The following OR51B5 variants were observed in gnomAD, a reference collection of about 807,000 sequenced individuals.
OR51B5 encodes olfactory receptor family 51 subfamily B member 5, also known as olfactory receptor 51B5.
For synonymous variants in OR51B5, 186 were observed against 144.8 expected, an observed-to-expected ratio of 1.28 and a Z score of -2.04; for missense variants, 456 against 374.6, an observed-to-expected ratio of 1.22 and a Z score of -1.79.
intron 1 of OR51B5, among the ~76,000 whole-genome samples, chr11:5,348,621 G>A (rs7123112): frequency 0.25 from 38,157 of 151,946 alleles, 5,131 homozygotes; most frequent in Non-Finnish European, 0.29. Flanking sequence ...CACCTGGAAA[G>A]GTTTATATTG....
At chr11:5,390,168 T>TGTG (rs775223586) in intron 1 of OR51B5, 2 of 1,613,632 alleles carry the variant, frequency 1.2e-6, no homozygotes, top group East Asian at 4.5e-5. Context: ...ACCGCTCCTC[T>TGTG]CTGTGCTGTG....
chr11:5,392,468 C>T (rs2133732075), intron 1 of OR51B5: 1 of 152,294 alleles, frequency 6.6e-6, no homozygotes, highest in African/African-American at 2.4e-5. Flanking sequence ...CTCTTATTAA[C>T]AAATAGACCA....
chr11:5,400,979 G>C (rs1365445245), intron 1 of OR51B5, among the ~76,000 whole-genome samples: 1 of 152,246 alleles, frequency 6.6e-6, no homozygotes, highest in South Asian at 2.1e-4. Context: ...TAGGTAAGCA[G>C]GTGTGTCTGT....
chr11:5,377,993 G>A (rs1228055885), intron 1 of OR51B5, among the ~76,000 whole-genome samples: 1 of 151,540 alleles, frequency 6.6e-6, no homozygotes, highest in East Asian at 1.9e-4. Context: ...AAAAGAGCCT[G>A]CATTGCCAAG....
At chr11:5,440,875 T>G (rs60832895) in intron 1 of OR51B5, 15 of 1,613,514 alleles carry the variant, frequency 9.3e-6, no homozygotes, top group Non-Finnish European at 1.1e-5. Context: ...AGGATGAAAG[T>G]TGAGTCCATA....
chr11:5,489,758 A>G (rs775819804), intron 1 of OR51B5: 41 of 863,386 alleles, frequency 4.7e-5, no homozygotes, highest in Admixed American at 2.7e-4. Context: ...AAGGAATGGT[A>G]TGACATGGCA....
At chr11:5,373,130 A>G (rs1849469578) in intron 1 of OR51B5, among the ~76,000 whole-genome samples, 1 of 152,204 alleles carries the variant, frequency 6.6e-6, no homozygotes, top group Non-Finnish European at 1.5e-5. Flanking sequence ...AAAGAATAAA[A>G]TTGGACCTTT....
intron 1 of OR51B5, among the ~76,000 whole-genome samples, chr11:5,412,426 C>A (rs1254849353): frequency 1.3e-5 from 2 of 152,136 alleles, no homozygotes; most frequent in Non-Finnish European, 2.9e-5. Context: ...CTAGGGAGTG[C>A]CAGACAGTGG....
intron 1 of OR51B5, among the ~76,000 whole-genome samples, chr11:5,418,734 G>C (rs541058520): frequency 6.6e-6 from 1 of 151,550 alleles, no homozygotes; most frequent in Non-Finnish European, 1.5e-5. Flanking sequence ...ATCGGGGGAT[G>C]GGGGGTTAGG....
chr11:5,352,241 G>A, intron 1 of OR51B5: 1 of 1,614,156 alleles, frequency 6.2e-7, no homozygotes, highest in Non-Finnish European at 8.5e-7. Flanking sequence ...CATATCTGCT[G>A]CATCCTGGTC....
intron 1 of OR51B5, among the ~76,000 whole-genome samples, chr11:5,385,772 C>G (rs1484412759): frequency 6.8e-6 from 1 of 147,024 alleles, no homozygotes; most frequent in Non-Finnish European, 1.5e-5. Flanking sequence ...AATATACAGA[C>G]ACATATATGT....
intron 1 of OR51B5, chr11:5,385,347 G>A (rs1849670807): frequency 1.3e-5 from 2 of 152,068 alleles, no homozygotes; most frequent in East Asian, 3.9e-4. Context: ...CATTGTCTCT[G>A]TATAGACATC....
chr11:5,423,172 A>G (rs769476615), intron 1 of OR51B5: 1 of 1,563,158 alleles, frequency 6.4e-7, no homozygotes, highest in East Asian at 2.3e-5. Flanking sequence ...CATTTCTTAA[A>G]TTACTGACAA....
chr11:5,441,251 G>A (rs147664625), intron 1 of OR51B5: 27 of 1,613,962 alleles, frequency 1.7e-5, no homozygotes, highest in Non-Finnish European at 2.2e-5. Context: ...TGTAGTTGAA[G>A]CAGAAAGTAG....
intron 1 of OR51B5, among the ~76,000 whole-genome samples, chr11:5,387,390 A>T (rs935460080): frequency 2.0e-5 from 3 of 152,206 alleles, no homozygotes; most frequent in Non-Finnish European, 4.4e-5. Context: ...TTTTAAAAAA[A>T]ACATTATAGG....
intron 1 of OR51B5, among the ~76,000 whole-genome samples, chr11:5,495,435 A>G (rs141998980): frequency 6.6e-6 from 1 of 152,362 alleles, no homozygotes; most frequent in African/African-American, 2.4e-5. Context: ...TTAAGTTATA[A>G]ATTGTGACAT....
At chr11:5,353,269 T>C (rs1384922655) in intron 1 of OR51B5, among the ~76,000 whole-genome samples, 2 of 152,184 alleles carry the variant, frequency 1.3e-5, no homozygotes, top group African/African-American at 4.8e-5. Context: ...ATAATATTGA[T>C]AATAATTTGA....
rs140539106 is a variant in OR51B5, at chr11:5,488,340, C to G, written n.84+17229G>C. Among the ~76,000 whole-genome samples, 911 of 152,108 alleles carry G rather than the reference C, an allele frequency of 6.0e-3. 9 individuals carry two copies. Among genetic ancestry groups the G allele is most frequent in the African/African-American group, 0.021 (868 of 41,488 alleles). Reference sequence around the variant, plus strand: ...GAGACTCCCTAGGTAAGAGAAAAGGCATGAATGAGAGGTAAGAAATATCCC... The same window carrying G: ...GAGACTCCCTAGGTAAGAGAAAAGGGATGAATGAGAGGTAAGAAATATCCC... On this transcript the variant is annotated intron_variant and non_coding_transcript_variant, in intron 1 of 4. Coordinates refer to the OR51B5 transcript ENST00000415970.
chr11:5,428,341 G>A (rs1850480106), intron 1 of OR51B5, among the ~76,000 whole-genome samples: 1 of 152,098 alleles, frequency 6.6e-6, no homozygotes, highest in South Asian at 2.1e-4. Flanking sequence ...AATATAGTCT[G>A]TTAAATGTTC....
Sources: gnomAD v4.1 joint callset for allele counts (sites outside exome capture counted in the v4.1 genomes callset) on GRCh38, gnomAD v4.1.1 for gene constraint, MANE v1.5 for transcripts, NCBI Gene and HGNC (gene_info 2026-07-23, HGNC 2026-07-21) for gene names.